MYO6: variants seen among roughly 807,000 people sequenced by gnomAD.
MYO6 encodes unconventional myosin-VI.
Under a neutral mutation model 178.7 loss-of-function variants are expected in MYO6, and 74 were observed. The observed-to-expected ratio is 0.41, with a 90% CI of 0.34 to 0.50. MYO6 has a LOEUF of 0.50. MYO6 is among the 20% of genes least tolerant of loss of function. The probability of loss-of-function intolerance (pLI) is 0.09; values close to 1 mark genes in which losing one functional copy is unlikely to be tolerated. For synonymous variants in MYO6, 477 were observed against 504.6 expected, an observed-to-expected ratio of 0.95 and a Z score of 0.73; for missense variants, 1,330 against 1,547.4, an observed-to-expected ratio of 0.86 and a Z score of 2.36.
intron 30 of MYO6, among the ~76,000 whole-genome samples, chr6:75,903,981 T>C (rs957950847): frequency 5.3e-5 from 8 of 152,118 alleles, no homozygotes; most frequent in Admixed American, 4.6e-4. Context: ...TCTCCTTCAC[T>C]TATGAAGCTT....
At chr6:75,897,776 A>T (rs1472876517) in intron 29 of MYO6, among the ~76,000 whole-genome samples, 1 of 152,260 alleles carries the variant, frequency 6.6e-6, no homozygotes, top group Admixed American at 6.5e-5. Context: ...GGGTAACAAA[A>T]GCAAAATAAG....
chr6:75,903,883 GTT>G (rs995484241), intron 30 of MYO6, among the ~76,000 whole-genome samples: 19 of 151,780 alleles, frequency 1.3e-4, no homozygotes, highest in Non-Finnish European at 2.4e-4. Context: ...TCCTTTCCAT[GTT>G]TAGCGCTTCC....
In MYO6 at chr6:75,850,639, T is replaced by C. The variant is rs569955369; in HGVS notation, c.1078+2108T>C. 1.5e-4 allele frequency among the ~76,000 whole-genome samples: 23 copies of C among 152,370 alleles called. 2 individuals are homozygous for C. In the South Asian group the frequency reaches 4.1e-3, roughly 27 times the overall value. Reference sequence around the variant, plus strand: ...GTGAGATGCAACATAACATAGTGGATGGGAGCACGTGCTCCTGATCCAGAT... The same window carrying C: ...GTGAGATGCAACATAACATAGTGGACGGGAGCACGTGCTCCTGATCCAGAT... On this transcript the variant is annotated intron_variant, in intron 11 of 34. Transcript: ENST00000369977.
In MYO6 at chr6:75,879,626, G is replaced by A. The variant is rs543719580; in HGVS notation, c.2078-194G>A. Among the ~76,000 whole-genome samples, 38 of 152,196 alleles carry A rather than the reference G, an allele frequency of 2.5e-4. No homozygotes were observed. The South Asian group carries it at 7.9e-3, about 32-fold the overall frequency. On this transcript the variant is annotated intron_variant, in intron 20 of 34. Coordinates refer to ENST00000369977, the MANE Select transcript of MYO6 (RefSeq NM_004999.4). ...GTCTTATTGGGTTTACAGGAAATTT[G>A]ACTATAGTAGTTTTAGGTGGTGGAT...
chr6:75,779,056 C>CAAAAAAAA (rs142469441), intron 1 of MYO6, among the ~76,000 whole-genome samples: 1 of 64,530 alleles, frequency 1.5e-5, no homozygotes, highest in Non-Finnish European at 2.9e-5. Context: ...GACTTTGTCT[C>CAAAAAAAA]AAAAAAAAAA....
intron 1 of MYO6, among the ~76,000 whole-genome samples, chr6:75,788,124 C>G (rs1767858965): frequency 6.6e-6 from 1 of 152,022 alleles, no homozygotes; most frequent in Non-Finnish European, 1.5e-5. Flanking sequence ...TATACCTCAA[C>G]AAATGTGACT....
intron 1 of MYO6, among the ~76,000 whole-genome samples, chr6:75,812,830 G>T (rs778415363): frequency 6.6e-6 from 1 of 152,008 alleles, no homozygotes; most frequent in Non-Finnish European, 1.5e-5. Flanking sequence ...GCACCATGTT[G>T]TCTTTATCCA....
chr6:75,883,965 A>G (rs1412818008), intron 23 of MYO6, among the ~76,000 whole-genome samples: 1 of 152,256 alleles, frequency 6.6e-6, no homozygotes, highest in Non-Finnish European at 1.5e-5. Context: ...AACTATTAAT[A>G]TAAAAAGAAA....
intron 32 of MYO6, among the ~76,000 whole-genome samples, chr6:75,910,180 G>A (rs1028572035): frequency 1.3e-5 from 2 of 152,266 alleles, no homozygotes; most frequent in African/African-American, 4.8e-5. Context: ...CACTGTCTGT[G>A]TAGTGAGTTC....
At chr6:75,817,027 C>T (rs751037408) in intron 1 of MYO6, among the ~76,000 whole-genome samples, 16 of 151,936 alleles carry the variant, frequency 1.1e-4, no homozygotes, top group Non-Finnish European at 1.0e-4. Flanking sequence ...TAAAGGGGGC[C>T]GGGCACGGTG....
At chr6:75,760,639 C>T (rs1777863931) in intron 1 of MYO6, among the ~76,000 whole-genome samples, 1 of 151,878 alleles carries the variant, frequency 6.6e-6, no homozygotes, top group Non-Finnish European at 1.5e-5. Context: ...AATATGTTTC[C>T]CAGCTTGTCT....
intron 1 of MYO6, among the ~76,000 whole-genome samples, chr6:75,816,316 A>G (rs1771240319): frequency 6.6e-6 from 1 of 152,250 alleles, no homozygotes; most frequent in Non-Finnish European, 1.5e-5. Flanking sequence ...AACAGTAGGA[A>G]TGCCCATGGG....
intron 31 of MYO6, among the ~76,000 whole-genome samples, chr6:75,908,178 T>C (rs1166226591): frequency 6.6e-6 from 1 of 152,208 alleles, no homozygotes; most frequent in Non-Finnish European, 1.5e-5. Context: ...CTTTTTATTC[T>C]ATTGTCAAGA....
intron 1 of MYO6, among the ~76,000 whole-genome samples, chr6:75,804,414 A>G (rs559070814): frequency 3.9e-5 from 6 of 152,294 alleles, no homozygotes; most frequent in Admixed American, 3.3e-4. Context: ...AAAGGTGCAC[A>G]TAACATTGTT....
Position 75,828,597 on chromosome 6 carries a change from G to T in MYO6, c.245G>T (p.Ser82Ile), listed in dbSNP as rs1772730471. 1.3e-6 allele frequency: 2 copies of T among 1,576,400 alleles called. No individual in the cohort carries two copies. Among genetic ancestry groups the T allele is most frequent in the Non-Finnish European group, 1.7e-6 (2 of 1,146,234 alleles). ...TLLHNIKVRY[S>I]KDRIYTYVAN... ...CTCCATAATATCAAAGTTCGATATA[G>T]TAAAGACAGAATTTATGTAAGTATT... Residue 82 changes from serine to isoleucine, a missense_variant, in exon 4 of 35, where the codon AGT becomes ATT. Ser to Ile is a moderately radical substitution (Grantham distance 142, BLOSUM62 -2). This residue lies in a region of MYO6 where 116 missense variants were observed against 104.6 expected (regional missense o/e 1.11). Transcript: ENST00000369977.
chr6:75,868,526 G>A (rs1776881893), intron 18 of MYO6, among the ~76,000 whole-genome samples: 1 of 151,902 alleles, frequency 6.6e-6, no homozygotes, highest in African/African-American at 2.4e-5. Flanking sequence ...TTTATGTTGA[G>A]CCTTGAAACT....
intron 1 of MYO6, among the ~76,000 whole-genome samples, chr6:75,751,847 T>C (rs540987066): frequency 8.4e-4 from 128 of 152,350 alleles, no homozygotes; most frequent in African/African-American, 3.0e-3. Flanking sequence ...TAACTTTCTG[T>C]TGATAGTTGA....
intron 1 of MYO6, among the ~76,000 whole-genome samples, chr6:75,789,164 A>G (rs1363310272): frequency 1.3e-5 from 2 of 152,218 alleles, no homozygotes; most frequent in Admixed American, 6.5e-5. Context: ...AATTCATTAC[A>G]GTACCAGGTT....
rs775414617 is a variant in MYO6 at position 75,908,499 on chromosome 6, T to C, written c.3284T>C (p.Ile1095Thr). The change falls in exon 32 of 35, where the codon ATT becomes ACT. Residue 1095 changes from isoleucine to threonine, a missense_variant. This residue lies in a region of MYO6 where 601 missense variants were observed against 626.1 expected (regional missense o/e 0.96). Coordinates refer to ENST00000369977, the MANE Select transcript of MYO6 (RefSeq NM_004999.4). ...TTTTGCTCAATGTAATCAATAGATA[T>C]TGAGCTCCTGGCAGCTTGCAGAGAA... ...LRDTINTSCDIELLAACREEF... is the reference protein window; with the variant it reads ...LRDTINTSCDTELLAACREEF... 1.1e-5 allele frequency: 17 copies of C among 1,613,168 alleles called. No individual in the cohort carries two copies. Among genetic ancestry groups the C allele is most frequent in the Non-Finnish European group, 1.0e-5 (12 of 1,179,550 alleles).
Sources: allele counts gnomAD v4.1 joint callset (sites outside exome capture counted in the v4.1 genomes callset), GRCh38; gene constraint gnomAD v4.1.1; regional missense constraint gnomAD v4.1.1; transcripts MANE v1.5; gene names NCBI Gene and HGNC (gene_info 2026-07-23, HGNC 2026-07-21).